The following NOX4 variants were observed in gnomAD, a reference collection of about 807,000 sequenced individuals.
NOX4 encodes NADPH oxidase 4.
Under a neutral mutation model 87.6 loss-of-function variants are expected in NOX4, and 69 were observed. That is an observed-to-expected ratio of 0.79 (90% CI 0.65 to 0.96). NOX4 has a LOEUF of 0.96. Among genes scored for constraint, NOX4 ranks in the 40% least tolerant of loss-of-function variants. NOX4 has a pLI of 0.00. For synonymous variants in NOX4, 275 were observed against 238.2 expected (o/e 1.15, Z -1.42); for missense variants, 680 against 681.5 (o/e 1.00, Z 0.02).
intron 2 of NOX4, among the ~76,000 whole-genome samples, chr11:89,476,900 T>C (rs1306984274): frequency 6.6e-6 from 1 of 152,160 alleles, no homozygotes; most frequent in African/African-American, 2.4e-5. Flanking sequence ...AATGCCATTT[T>C]TGTGAATTAG....
chr11:89,351,059 G>C (rs1946434957), intron 13 of NOX4, among the ~76,000 whole-genome samples: 1 of 152,186 alleles, frequency 6.6e-6, no homozygotes, highest in Admixed American at 6.6e-5. Flanking sequence ...GAGCCAAATT[G>C]CTAATGCAAG....
chr11:89,432,972 T>C (rs1353817618), intron 6 of NOX4, 116 bp from the exon 7 acceptor site: 1 of 680,420 alleles, frequency 1.5e-6, no homozygotes, highest in Non-Finnish European at 2.6e-6. Context: ...CTAATTCAAA[T>C]CCCACATCTA....
At chr11:89,586,006 A>G in the NOX4 span, among the ~76,000 whole-genome samples, 4 of 152,114 alleles carry the variant, frequency 2.6e-5, no homozygotes, top group Non-Finnish European at 5.9e-5. Flanking sequence ...CTTACAATCC[A>G]TCTTGTCTAC....
At chr11:89,387,341 C>A (rs1013728995) in intron 11 of NOX4, among the ~76,000 whole-genome samples, 2 of 151,970 alleles carry the variant, frequency 1.3e-5, no homozygotes, top group African/African-American at 2.4e-5. Flanking sequence ...GAAGCTCCCC[C>A]ACTGAGCACC....
intron 13 of NOX4, among the ~76,000 whole-genome samples, chr11:89,348,640 C>T (rs1013595524): frequency 3.9e-5 from 6 of 151,948 alleles, no homozygotes; most frequent in African/African-American, 1.5e-4. Flanking sequence ...TATTCTAGGC[C>T]CTGTCCACAT....
chr11:89,397,941 A>T (rs2135167698), intron 11 of NOX4, among the ~76,000 whole-genome samples: 1 of 152,242 alleles, frequency 6.6e-6, no homozygotes, highest in African/African-American at 2.4e-5. Context: ...ATAGAAAAAG[A>T]GGGAATCCTC....
intron 11 of NOX4, among the ~76,000 whole-genome samples, chr11:89,394,965 G>A (rs572073574): frequency 5.9e-5 from 9 of 152,218 alleles, no homozygotes; most frequent in East Asian, 1.9e-4. Context: ...ATAAACATAC[G>A]TGTGCATGTG....
intron 17 of NOX4, among the ~76,000 whole-genome samples, chr11:89,334,146 A>C (rs571243410): frequency 3.9e-4 from 59 of 151,884 alleles, no homozygotes; most frequent in African/African-American, 1.3e-3. Flanking sequence ...AGTGAAAATC[A>C]ACAAAAAAAT....
intron 11 of NOX4, among the ~76,000 whole-genome samples, chr11:89,398,087 A>G (rs1464457403): frequency 6.6e-6 from 1 of 152,114 alleles, no homozygotes; most frequent in Non-Finnish European, 1.5e-5. Flanking sequence ...GGCAAACCGA[A>G]TCCAACAGCA....
At chr11:89,571,114 T>C in the NOX4 span, among the ~76,000 whole-genome samples, 1 of 152,326 alleles carries the variant, frequency 6.6e-6, no homozygotes, top group African/African-American at 2.4e-5. Flanking sequence ...CATTCTGGCA[T>C]AGTGGCTTTA....
At chr11:89,339,454 T>C (rs1298078785) in intron 15 of NOX4, among the ~76,000 whole-genome samples, 13 of 152,188 alleles carry the variant, frequency 8.5e-5, no homozygotes, top group Admixed American at 7.2e-4. Context: ...AGGATTTTAC[T>C]TTATCAGAAT....
chr11:89,503,484 T>C, the NOX4 span, among the ~76,000 whole-genome samples: 1 of 151,872 alleles, frequency 6.6e-6, no homozygotes, highest in Non-Finnish European at 1.5e-5. Context: ...TCAAATTACA[T>C]TTCCTCTTTT....
At chr11:89,588,201 T>C in the NOX4 span, among the ~76,000 whole-genome samples, 4 of 152,232 alleles carry the variant, frequency 2.6e-5, no homozygotes, top group South Asian at 2.1e-4. Context: ...TGCTTGACTT[T>C]TTTGATTCAA....
At chr11:89,328,503 C>T (rs1487296189) in intron 17 of NOX4, among the ~76,000 whole-genome samples, 3 of 151,942 alleles carry the variant, frequency 2.0e-5, no homozygotes, top group Non-Finnish European at 2.9e-5. Context: ...AAACTGAACC[C>T]GAGTAACTTA....
intron 11 of NOX4, among the ~76,000 whole-genome samples, chr11:89,387,549 C>T (rs565027757): frequency 1.4e-4 from 21 of 152,118 alleles, no homozygotes; most frequent in Middle Eastern, 3.4e-3. Context: ...TTCACAGGGA[C>T]GCATGTGACA....
At chr11:89,549,960 T>A in the NOX4 span, among the ~76,000 whole-genome samples, 2,159 of 152,306 alleles carry the variant, frequency 0.014, 42 homozygotes, top group African/African-American at 0.045. Context: ...AATAAACATA[T>A]GTGTGTATGT....
chr11:89,516,157 T>C, the NOX4 span, among the ~76,000 whole-genome samples: 2 of 152,056 alleles, frequency 1.3e-5, no homozygotes, highest in African/African-American at 4.8e-5. Flanking sequence ...AAAATCAGAA[T>C]CTTTCAGCAA....
intron 2 of NOX4, among the ~76,000 whole-genome samples, chr11:89,481,638 T>C (rs1946394699): frequency 6.6e-6 from 1 of 152,102 alleles, no homozygotes; most frequent in Non-Finnish European, 1.5e-5. Flanking sequence ...ACTTAGGCAA[T>C]TTTAAAATCA....
chr11:89,402,565 C>A (rs779128255), intron 8 of NOX4, 23 bp from the exon 9 acceptor site: 2 of 1,538,190 alleles, frequency 1.3e-6, no homozygotes, highest in Non-Finnish European at 1.8e-6. Flanking sequence ...TTAAAACAAA[C>A]AAACAGAGAA....
Sources: allele counts gnomAD v4.1 joint callset (sites outside exome capture counted in the v4.1 genomes callset), GRCh38; gene constraint gnomAD v4.1.1; transcripts MANE v1.5; gene names NCBI Gene and HGNC (gene_info 2026-07-23, HGNC 2026-07-21).